The following HAUS5 variants were observed in gnomAD, a reference collection of about 807,000 sequenced individuals.
HAUS5 encodes the protein HAUS augmin like complex subunit 5.
Under a neutral mutation model 94.1 loss-of-function variants are expected in HAUS5, and 67 were observed. The ratio of observed to expected loss-of-function variants is 0.71; its 90% CI spans 0.58 to 0.87. The LOEUF (loss-of-function observed/expected upper bound fraction) is 0.87. HAUS5 is among the 40% of genes least tolerant of loss of function. The probability of loss-of-function intolerance (pLI) is 0.00; values close to 1 mark genes in which losing one functional copy is unlikely to be tolerated. For synonymous variants in HAUS5, 339 were observed against 355.4 expected (o/e 0.95, Z 0.52); for missense variants, 739 against 825.6 (o/e 0.90, Z 1.29).
chr19:35,623,088 C>T lies in HAUS5; in HGVS notation c.*95C>T, dbSNP rs1273922052. 10 of 885,150 alleles carry T rather than the reference C, an allele frequency of 1.1e-5. No homozygotes were observed. Among genetic ancestry groups the T allele is most frequent in the Non-Finnish European group, 1.8e-5 (10 of 559,202 alleles). The allele number at this position is 885,150 out of a possible 1,614,324, so 54.8% of individuals were successfully genotyped here. A position where few individuals can be genotyped will look rare whatever the true frequency, so the allele number is the denominator to read the frequency against. ...TTGGAAGAAAGCAGCGCCAGGATTC[C>T]TCGGCAGTCGTCCCCACCCGCACCT... is the stretch of plus-strand genomic sequence containing the variant. On this transcript the variant is annotated 3_prime_UTR_variant, in exon 19 of 19. Transcript: ENST00000203166.
intron 1 of HAUS5, 112 bp from the exon 2 acceptor site, chr19:35,613,618 C>T (rs2071914723): frequency 2.3e-6 from 2 of 875,120 alleles, no homozygotes; most frequent in Non-Finnish European, 3.5e-6. Context: ...GCCTTCCCTC[C>T]TCAAGAAGTG....
At chr19:35,613,969 A>G in intron 3 of HAUS5, 66 bp from the exon 4 acceptor site, 2 of 1,607,720 alleles carry the variant, frequency 1.2e-6, no homozygotes, top group Non-Finnish European at 1.7e-6. Flanking sequence ...CCACCACAGC[A>G]TCACACCTAT....
Position 35,617,006 on chromosome 19 carries a change from G to A in HAUS5, c.486-118G>A, listed in dbSNP as rs184042389. On this transcript the variant is annotated intron_variant, in intron 6 of 18. Coordinates refer to ENST00000203166, the MANE Select transcript of HAUS5 (RefSeq NM_015302.2). ...GTGACAGTGGCCTAATCTGGAGATG[G>A]CTCCCGAGATCTAGGCTTAGTGATT... The A allele has an allele frequency of 1.9e-3, 1,452 of 778,702 alleles. 12 individuals carry two copies. The highest frequency in any genetic ancestry group is 9.0e-3 in the Middle Eastern group (24 of 2,654). The allele number at this position is 778,702 out of a possible 1,614,324, so 48.2% of individuals were successfully genotyped here. A position where few individuals can be genotyped will look rare whatever the true frequency, so the allele number is the denominator to read the frequency against.
rs764481341 is a variant in HAUS5, at chr19:35,615,079, G to C, written c.257G>C (p.Arg86Pro). Residue 86 changes from arginine to proline, a missense_variant, in exon 5 of 19, where the codon CGC becomes CCC. Transcript: ENST00000203166. ...RKLELEAAVT[R>P]LRAEIQELDQ... ...TTAGAGCTGGAAGCTGCTGTGACCC[G>C]CCTGCGGGCAGAAATCCAGGAACTC... The C allele has an allele frequency of 2.3e-5, 37 of 1,604,804 alleles. No individual in the cohort carries two copies. Among genetic ancestry groups the C allele is most frequent in the Non-Finnish European group, 2.9e-5 (34 of 1,175,720 alleles).
intron 6 of HAUS5, among the ~76,000 whole-genome samples, chr19:35,615,663 C>G (rs180809261): frequency 1.1e-4 from 16 of 152,286 alleles, no homozygotes; most frequent in Admixed American, 9.2e-4. Flanking sequence ...ACAGAGAAGA[C>G]AGATAGTAAA....
rs757475295 is a variant in HAUS5, at chr19:35,618,644, C to T, written c.961C>T (p.Arg321Cys). 5.0e-6 allele frequency: 8 copies of T among 1,606,704 alleles called. No homozygotes were observed. In the Admixed American group the frequency reaches 5.0e-5, roughly 10 times the overall value. ...GAAGGAGCGGCAAGTCTTGACCCAG[C>T]GCCTCCAGGGCCTGGTGGAGGAGGT... ...LLKERQVLTQ[R>C]LQGLVEEVER... Residue 321 changes from arginine (R) to cysteine (C), a missense_variant, in exon 12 of 19, where the codon CGC (arginine) becomes TGC (cysteine). Coordinates refer to ENST00000203166, the MANE Select transcript of HAUS5 (RefSeq NM_015302.2).
intron 1 of HAUS5, among the ~76,000 whole-genome samples, chr19:35,613,404 A>G (rs944229471): frequency 1.3e-5 from 2 of 152,012 alleles, no homozygotes; most frequent in Non-Finnish European, 2.9e-5. Flanking sequence ...TAGTGCAAAC[A>G]TCCAGTCCCT....
Position 35,615,088 on chromosome 19 carries a change from C to G in HAUS5, c.266C>G (p.Ala89Gly). Residue 89 changes from alanine to glycine, a missense_variant, in exon 5 of 19, where the codon GCA becomes GGA. Ala to Gly is a moderately conservative substitution (Grantham distance 60). Coordinates refer to ENST00000203166, the MANE Select transcript of HAUS5 (RefSeq NM_015302.2). ...GAAGCTGCTGTGACCCGCCTGCGGGCAGAAATCCAGGAACTCGACCAGAGC... is the reference window on the plus strand; with the variant it reads ...GAAGCTGCTGTGACCCGCCTGCGGGGAGAAATCCAGGAACTCGACCAGAGC... ...ELEAAVTRLR[A>G]EIQELDQSLE... 1 of 1,607,138 alleles carries G rather than the reference C, an allele frequency of 6.2e-7. No individual in the cohort carries two copies. Among genetic ancestry groups the G allele is most frequent in the Non-Finnish European group, 8.5e-7 (1 of 1,176,736 alleles).
rs774002865 is a variant in HAUS5, at chr19:35,613,669, G to A, written c.99-61G>A. The A allele has an allele frequency of 1.1e-4, 162 of 1,486,672 alleles. No homozygotes were observed. In the Middle Eastern group the frequency reaches 3.4e-3, roughly 31 times the overall value. 92.1% of individuals were successfully genotyped at this position (1,486,672 alleles called of 1,614,324 possible). On this transcript the variant is annotated intron_variant, in intron 1 of 18. Coordinates refer to ENST00000203166, the MANE Select transcript of HAUS5 (RefSeq NM_015302.2). The stretch of plus-strand genomic sequence containing the variant: ...AAACTCCCTACCACCATCACCCTAG[G>A]AATGAGGATCCCACACCCTGTGTGC...
In HAUS5 at chr19:35,619,526, G is replaced by A. The variant is rs749496557; in HGVS notation, c.1260+22G>A. On this transcript the variant is annotated intron_variant, in intron 14 of 18. Transcript: ENST00000203166. ...GGAGGTGAGATGGGAGTTGGGGTGA[G>A]GTCTGGGTAGGGCTGGATCTGCCAG... 104 of 1,608,510 alleles carry A rather than the reference G, an allele frequency of 6.5e-5. No individual in the cohort carries two copies. In the Admixed American group the frequency reaches 1.6e-3, roughly 25 times the overall value.
rs1442024777 is a variant in HAUS5 at position 35,624,198 on chromosome 19, A to T, written c.*1205A>T. 1 of 123,352 alleles carries T rather than the reference A, an allele frequency of 8.1e-6. No homozygotes were observed. The highest frequency in any genetic ancestry group is 1.6e-5 in the Non-Finnish European group (1 of 62,594). 7.6% of individuals were successfully genotyped at this position (123,352 alleles called of 1,614,324 possible). A position where few individuals can be genotyped will look rare whatever the true frequency, so the allele number is the denominator to read the frequency against. On this transcript the variant is annotated 3_prime_UTR_variant, in exon 19 of 19. Coordinates refer to ENST00000203166, the MANE Select transcript of HAUS5 (RefSeq NM_015302.2). Reference sequence around the variant, plus strand: ...CAGCTCACTGCAACCTCCGCCTCCCAGGTTCAAGCCATTCTCATGCCTCAG... The same window carrying T: ...CAGCTCACTGCAACCTCCGCCTCCCTGGTTCAAGCCATTCTCATGCCTCAG...
intron 17 of HAUS5, among the ~76,000 whole-genome samples, chr19:35,620,891 A>G (rs1418838859): frequency 6.6e-6 from 1 of 152,328 alleles, no homozygotes; most frequent in East Asian, 1.9e-4. Flanking sequence ...GTCTGTGTAC[A>G]CACACAGTCT....
At chr19:35,619,588 C>T in intron 14 of HAUS5, 25 bp from the exon 15 acceptor site, 1 of 1,516,926 alleles carries the variant, frequency 6.6e-7, no homozygotes, top group Non-Finnish European at 9.1e-7. Flanking sequence ...TGTGATGCCC[C>T]ACCCACCCCT....
In HAUS5 at chr19:35,617,360, G is replaced by A; in HGVS notation, c.629G>A (p.Gly210Asp). The A allele has an allele frequency of 6.2e-7, 1 of 1,611,660 alleles. No individual in the cohort carries two copies. Among genetic ancestry groups the A allele is most frequent in the South Asian group, 1.1e-5 (1 of 91,036 alleles). The change falls in exon 8 of 19, where the codon GGC (glycine) becomes GAC (aspartate). Residue 210 changes from glycine (G) to aspartate (D), a missense_variant. Transcript: ENST00000203166. ...QNLLLPQAKR[G>D]SLPTPHDDHF... ...CTCCTGCTTCCCCAGGCCAAGAGGG[G>A]CAGCCTCCCGTGAGTGTCCCTAGCC...
Position 35,617,365 on chromosome 19 carries a change from C to T in HAUS5, c.634C>T (p.Leu212Phe), listed in dbSNP as rs967825008. 6.2e-7 allele frequency: 1 copy of T among 1,610,366 alleles called. No homozygotes were observed. Among genetic ancestry groups the T allele is most frequent in the African/African-American group, 1.3e-5 (1 of 74,992 alleles). ...LLLPQAKRGS[L>F]PTPHDDHFGT... ...GCTTCCCCAGGCCAAGAGGGGCAGCCTCCCGTGAGTGTCCCTAGCCCCCAG... is the reference window on the plus strand; with the variant it reads ...GCTTCCCCAGGCCAAGAGGGGCAGCTTCCCGTGAGTGTCCCTAGCCCCCAG... The change falls in exon 8 of 19, where the codon CTC (leucine) becomes TTC (phenylalanine). Residue 212 changes from leucine to phenylalanine, a missense_variant. By Grantham distance (22) the Leu-to-Phe change is conservative. Transcript: ENST00000203166.
In HAUS5 at chr19:35,619,945, C is replaced by T. The variant is rs910883675; in HGVS notation, c.1407-67C>T. The T allele has an allele frequency of 2.2e-5, 35 of 1,562,480 alleles. No individual in the cohort carries two copies. In the African/African-American group the frequency reaches 3.4e-4, roughly 15 times the overall value. ...GACCCACCTTGAAGTTCCTGGGCCC[C>T]CAGAGCCTCCAGAACCCAAGGCCTC... On this transcript the variant is annotated intron_variant, in intron 15 of 18. Transcript: ENST00000203166.
Position 35,618,112 on chromosome 19 carries a change from CTTGGAGCACCTGGCTGCA to C in HAUS5, c.739_756del (p.Leu247_Ala252del). ...ACCCCCCAGGCCACGTCCTGGCTGC[CTTGGAGCACCTGGCTGCA>C]GAGCGGGAGGCAGAGATTCGGTCCC... is the stretch of plus-strand genomic sequence containing the variant. On this transcript the variant is annotated inframe_deletion, in exon 10 of 19. Coordinates refer to ENST00000203166, the MANE Select transcript of HAUS5 (RefSeq NM_015302.2). The C allele has an allele frequency of 6.2e-7, 1 of 1,608,936 alleles. No individual in the cohort carries two copies. Among genetic ancestry groups the C allele is most frequent in the Non-Finnish European group, 8.5e-7 (1 of 1,176,604 alleles).
In HAUS5 at chr19:35,618,010, T is replaced by G. The variant is rs73931234; in HGVS notation, c.697-61T>G. 8,745 of 1,598,282 alleles carry G rather than the reference T, an allele frequency of 5.5e-3. 393 individuals carry two copies. In the African/African-American group the frequency reaches 0.098, roughly 18 times the overall value. On this transcript the variant is annotated intron_variant, in intron 9 of 18. Transcript: ENST00000203166. Reference sequence around the variant, plus strand: ...ACTCTTGATGACAGCCCTATTCCCATGGGGTCTCAGCTCACAGCCCTGCCC... The same window carrying G: ...ACTCTTGATGACAGCCCTATTCCCAGGGGGTCTCAGCTCACAGCCCTGCCC...
chr19:35,614,689 G>A (rs2071925666), intron 4 of HAUS5, among the ~76,000 whole-genome samples: 1 of 152,178 alleles, frequency 6.6e-6, no homozygotes, highest in Admixed American at 6.5e-5. Flanking sequence ...GGACAGGTAT[G>A]GGAGAGATGC....
Sources: gnomAD v4.1 joint callset for allele counts (sites outside exome capture counted in the v4.1 genomes callset) on GRCh38, gnomAD v4.1.1 for gene constraint, MANE v1.5 for transcripts, NCBI Gene and HGNC (gene_info 2026-07-23, HGNC 2026-07-21) for gene names.